The following NR2F1-AS1 variants were observed in gnomAD, a reference collection of about 807,000 sequenced individuals.
NR2F1-AS1 encodes the protein NR2F1 regulatory antisense RNA 1, also known as NR2F1 antisense RNA 1.
chr5:93,431,221 A>G (rs1749305961), intron 4 of NR2F1-AS1, among the ~76,000 whole-genome samples: 2 of 152,136 alleles, frequency 1.3e-5, no homozygotes, highest in Non-Finnish European at 2.9e-5. Context: ...GTTAAAAGTT[A>G]TTTCCAGATG....
intron 4 of NR2F1-AS1, among the ~76,000 whole-genome samples, chr5:93,476,292 G>A (rs1561457775): frequency 6.6e-6 from 1 of 152,062 alleles, no homozygotes; most frequent in South Asian, 2.1e-4. Context: ...GTCATAAAGG[G>A]ACTCTGATTT....
upstream of NR2F1-AS1, among the ~76,000 whole-genome samples, chr5:93,582,074 C>A (rs372690010): frequency 5.6e-5 from 8 of 142,822 alleles, no homozygotes; most frequent in South Asian, 1.2e-3. Context: ...TCCTCTCTCT[C>A]TGTCTCTCTC....
chr5:93,473,691 C>A (rs952999413), intron 4 of NR2F1-AS1, among the ~76,000 whole-genome samples: 2 of 151,288 alleles, frequency 1.3e-5, no homozygotes, highest in African/African-American at 4.9e-5. Flanking sequence ...ACCAAACACA[C>A]ACACACACAT....
chr5:93,536,631 A>C (rs1028175847), intron 4 of NR2F1-AS1, among the ~76,000 whole-genome samples: 2 of 152,246 alleles, frequency 1.3e-5, no homozygotes, highest in African/African-American at 4.8e-5. Flanking sequence ...AAATAAATTT[A>C]TGTACCTACA....
intron 4 of NR2F1-AS1, chr5:93,409,675 G>A (rs1256045294): frequency 6.6e-6 from 1 of 152,160 alleles, no homozygotes; most frequent in Non-Finnish European, 1.5e-5. Context: ...TATCACTAAA[G>A]TTACCAGTCC....
chr5:93,538,068 A>G (rs1751874573), intron 4 of NR2F1-AS1, among the ~76,000 whole-genome samples: 1 of 152,162 alleles, frequency 6.6e-6, no homozygotes, highest in African/African-American at 2.4e-5. Context: ...GTCTAGGGCT[A>G]GTTCCTTCCT....
At chr5:93,581,741 T>TCC (rs1406542439), upstream of NR2F1-AS1, among the ~76,000 whole-genome samples, 232 of 17,758 alleles carry the variant, frequency 0.013, 21 homozygotes, top group African/African-American at 0.048. Context: ...TCTCCCCCTC[T>TCC]CCCTCTCCCT....
At chr5:93,514,668 A>G (rs556112737) in intron 4 of NR2F1-AS1, among the ~76,000 whole-genome samples, 1 of 152,082 alleles carries the variant, frequency 6.6e-6, no homozygotes, top group African/African-American at 2.4e-5. Context: ...ATTCTTGCTG[A>G]TGCACTGAAT....
chr5:93,487,888 A>C (rs1750760194), intron 4 of NR2F1-AS1, among the ~76,000 whole-genome samples: 2 of 152,204 alleles, frequency 1.3e-5, no homozygotes, highest in South Asian at 4.1e-4. Context: ...ACTGGTACCA[A>C]AACATATATA....
intron 1 of NR2F1-AS1, chr5:93,569,852 A>C (rs1363592656): frequency 6.6e-6 from 1 of 152,168 alleles, no homozygotes; most frequent in African/African-American, 2.4e-5. Context: ...TTTTAATTAG[A>C]TGCTTTCTGT....
intron 4 of NR2F1-AS1, among the ~76,000 whole-genome samples, chr5:93,466,988 C>T (rs1485313430): frequency 6.7e-6 from 1 of 150,094 alleles, no homozygotes; most frequent in African/African-American, 2.5e-5. Flanking sequence ...GCAAACTCCA[C>T]CTCAGAGGTT....
chr5:93,550,828 TG>T (rs1752209877), intron 4 of NR2F1-AS1, among the ~76,000 whole-genome samples: 1 of 152,152 alleles, frequency 6.6e-6, no homozygotes, highest in African/African-American at 2.4e-5. Flanking sequence ...AGTTACAGCA[TG>T]TGTCAACTAT....
chr5:93,496,614 T>C (rs1299451819), intron 4 of NR2F1-AS1, among the ~76,000 whole-genome samples: 2 of 152,202 alleles, frequency 1.3e-5, no homozygotes, highest in Admixed American at 6.6e-5. Flanking sequence ...TGTTCATGAG[T>C]TGAAAACAAA....
At chr5:93,536,118 C>T (rs1480543237) in intron 4 of NR2F1-AS1, among the ~76,000 whole-genome samples, 1 of 151,816 alleles carries the variant, frequency 6.6e-6, no homozygotes, top group African/African-American at 2.4e-5. Flanking sequence ...AATCCACATA[C>T]AAAAATCAGC....
At chr5:93,521,957 T>C (rs1243859766) in intron 4 of NR2F1-AS1, among the ~76,000 whole-genome samples, 9 of 152,058 alleles carry the variant, frequency 5.9e-5, no homozygotes, top group Non-Finnish European at 8.8e-5. Flanking sequence ...AAAATCAACC[T>C]AAATGCCCAT....
chr5:93,499,996 T>C (rs1436592814), intron 4 of NR2F1-AS1, among the ~76,000 whole-genome samples: 2 of 152,122 alleles, frequency 1.3e-5, no homozygotes, highest in Non-Finnish European at 2.9e-5. Context: ...GATTGGGAGC[T>C]AGCAGAGGTT....
At chr5:93,452,022 G>T (rs148358880) in intron 4 of NR2F1-AS1, among the ~76,000 whole-genome samples, 115 of 152,258 alleles carry the variant, frequency 7.6e-4, no homozygotes, top group Admixed American at 1.2e-3. Flanking sequence ...ATTATCTAAT[G>T]TTTTATACCA....
chr5:93,439,530 G>A (rs551126656), intron 4 of NR2F1-AS1, among the ~76,000 whole-genome samples: 16 of 152,280 alleles, frequency 1.1e-4, no homozygotes, highest in Admixed American at 6.5e-4. Flanking sequence ...TCCTGACCTC[G>A]TGATCCACCC....
At chr5:93,491,288 A>G (rs1750842996) in intron 4 of NR2F1-AS1, among the ~76,000 whole-genome samples, 1 of 140,320 alleles carries the variant, frequency 7.1e-6, no homozygotes, top group Non-Finnish European at 1.5e-5. Context: ...TGGTGATAAG[A>G]GTGGTAGTGT....
Sources: gnomAD v4.1 joint callset for allele counts (sites outside exome capture counted in the v4.1 genomes callset) on GRCh38, gnomAD v4.1.1 for gene constraint, MANE v1.5 for transcripts, NCBI Gene and HGNC (gene_info 2026-07-23, HGNC 2026-07-21) for gene names.